Variants in FBXL7 observed in about 807,000 individuals in gnomAD.
The protein encoded by FBXL7 is F-box/LRR-repeat protein 7.
In FBXL7, 12 loss-of-function variants were observed where a neutral mutation model predicts 38.3. The observed-to-expected ratio is 0.31, with a 90% CI of 0.20 to 0.51. The LOEUF is 0.51. Among genes scored for constraint, FBXL7 ranks in the 20% least tolerant of loss-of-function variants. The pLI is 0.98. For missense variants in FBXL7, 567 were observed against 676.4 expected, an observed-to-expected ratio of 0.84 and a Z score of 1.79; for synonymous variants, 297 against 300.9, an observed-to-expected ratio of 0.99 and a Z score of 0.13.
At chr5:15,780,002 C>T (rs1736951766) in intron 2 of FBXL7, among the ~76,000 whole-genome samples, 1 of 152,114 alleles carries the variant, frequency 6.6e-6, no homozygotes, top group African/African-American at 2.4e-5. Context: ...GATTTGAAAA[C>T]TAATTGCCAC....
chr5:15,903,814 T>C (rs1224164419), intron 2 of FBXL7, among the ~76,000 whole-genome samples: 1 of 152,210 alleles, frequency 6.6e-6, no homozygotes, highest in Non-Finnish European at 1.5e-5. Flanking sequence ...ATTAATTCAT[T>C]CAAAGAAATC....
chr5:15,508,010 T>G (rs1307404196), intron 1 of FBXL7, among the ~76,000 whole-genome samples: 1 of 152,112 alleles, frequency 6.6e-6, no homozygotes, highest in Non-Finnish European at 1.5e-5. Context: ...ACCATTGCCC[T>G]CCAACCTGGG....
intron 1 of FBXL7, among the ~76,000 whole-genome samples, chr5:15,577,349 C>T (rs1580381353): frequency 6.6e-6 from 1 of 152,070 alleles, no homozygotes; most frequent in African/African-American, 2.4e-5. Context: ...TTATTTTCTT[C>T]CCCATGTGAG....
At chr5:15,525,919 T>C (rs1238228437) in intron 1 of FBXL7, among the ~76,000 whole-genome samples, 1 of 152,162 alleles carries the variant, frequency 6.6e-6, no homozygotes, top group Non-Finnish European at 1.5e-5. Flanking sequence ...CTCCTGCTGT[T>C]ATAGAGCTCT....
intron 2 of FBXL7, among the ~76,000 whole-genome samples, chr5:15,867,830 G>A (rs573982611): frequency 3.0e-4 from 46 of 152,270 alleles, no homozygotes; most frequent in African/African-American, 1.1e-3. Flanking sequence ...AAAGGGCTGG[G>A]TGCAGTGGCT....
chr5:15,592,657 G>T (rs1739517152), intron 1 of FBXL7, among the ~76,000 whole-genome samples: 1 of 152,064 alleles, frequency 6.6e-6, no homozygotes, highest in Admixed American at 6.5e-5. Context: ...TTGAAGACCG[G>T]GCTTATCAGA....
intron 2 of FBXL7, among the ~76,000 whole-genome samples, chr5:15,764,087 A>G (rs1736523058): frequency 1.3e-5 from 2 of 152,198 alleles, no homozygotes; most frequent in Non-Finnish European, 2.9e-5. Flanking sequence ...TCACAGACAG[A>G]CTCAAAAAAG....
chr5:15,581,524 G>A (rs1024168052), intron 1 of FBXL7, among the ~76,000 whole-genome samples: 1 of 152,178 alleles, frequency 6.6e-6, no homozygotes, highest in Non-Finnish European at 1.5e-5. Context: ...AGCCGTTAGG[G>A]TCAACTGGAA....
intron 1 of FBXL7, among the ~76,000 whole-genome samples, chr5:15,588,560 T>C (rs9312896): frequency 0.36 from 54,662 of 151,722 alleles, 10,030 homozygotes; most frequent in Middle Eastern, 0.39. Flanking sequence ...CTAATTTTTG[T>C]ATTTTTAGTA....
chr5:15,562,658 C>G (rs772702541), intron 1 of FBXL7, among the ~76,000 whole-genome samples: 1 of 151,920 alleles, frequency 6.6e-6, no homozygotes, highest in Non-Finnish European at 1.5e-5. Flanking sequence ...CTATATCTCT[C>G]TCCCTCAGTT....
chr5:15,860,973 T>C (rs1739448553), intron 2 of FBXL7, among the ~76,000 whole-genome samples: 2 of 152,204 alleles, frequency 1.3e-5, no homozygotes, highest in Admixed American at 1.3e-4. Context: ...TTCTAGGCTG[T>C]CTGCACCACA....
intron 2 of FBXL7, among the ~76,000 whole-genome samples, chr5:15,636,399 G>A (rs572003767): frequency 6.6e-6 from 1 of 152,124 alleles, no homozygotes; most frequent in South Asian, 2.1e-4. Flanking sequence ...TTTTTCAGCA[G>A]TCTATGAACA....
chr5:15,842,928 A>C (rs1017869046), intron 2 of FBXL7, among the ~76,000 whole-genome samples: 2 of 152,222 alleles, frequency 1.3e-5, no homozygotes, highest in Admixed American at 6.5e-5. Flanking sequence ...AGAATAATAC[A>C]AAGCTGTACC....
intron 2 of FBXL7, among the ~76,000 whole-genome samples, chr5:15,797,395 G>A (rs1737445385): frequency 6.6e-6 from 1 of 152,204 alleles, no homozygotes; most frequent in Non-Finnish European, 1.5e-5. Flanking sequence ...AAAGTGCTTG[G>A]CTTCAGAACT....
At chr5:15,820,032 G>GT (rs1332015839) in intron 2 of FBXL7, among the ~76,000 whole-genome samples, 5 of 152,168 alleles carry the variant, frequency 3.3e-5, no homozygotes, top group Non-Finnish European at 1.5e-5. Context: ...GACCAGCTCT[G>GT]TTATTCAGAG....
At chr5:15,921,853 A>G (rs980286252) in intron 2 of FBXL7, among the ~76,000 whole-genome samples, 1 of 152,220 alleles carries the variant, frequency 6.6e-6, no homozygotes, top group Non-Finnish European at 1.5e-5. Context: ...AATAAGTGTG[A>G]CAGGGTGTGA....
intron 2 of FBXL7, among the ~76,000 whole-genome samples, chr5:15,696,572 C>T (rs1021854407): frequency 1.3e-5 from 2 of 152,192 alleles, no homozygotes; most frequent in African/African-American, 4.8e-5. Flanking sequence ...CCCACCCAAC[C>T]TTGCCCAGCT....
At chr5:15,931,669 T>C (rs1235300737) in intron 3 of FBXL7, among the ~76,000 whole-genome samples, 2 of 152,206 alleles carry the variant, frequency 1.3e-5, no homozygotes, top group African/African-American at 4.8e-5. Flanking sequence ...ATGCTCTTCT[T>C]AGGTGCAAAT....
At chr5:15,713,812 A>T (rs1743955458) in intron 2 of FBXL7, among the ~76,000 whole-genome samples, 1 of 152,188 alleles carries the variant, frequency 6.6e-6, no homozygotes, top group Non-Finnish European at 1.5e-5. Flanking sequence ...AGGGTTGGAG[A>T]AAGAAGAATT....
Sources: allele counts gnomAD v4.1 joint callset (sites outside exome capture counted in the v4.1 genomes callset), GRCh38; gene constraint gnomAD v4.1.1; transcripts MANE v1.5; gene names NCBI Gene and HGNC (gene_info 2026-07-23, HGNC 2026-07-21).